CDK5RAP2: variants seen among roughly 807,000 people sequenced by gnomAD.
The protein encoded by CDK5RAP2 is CDK5 regulatory subunit-associated protein 2.
CDK5RAP2 carries 147 observed loss-of-function variants against 232.9 expected under a neutral mutation model. That is an observed-to-expected ratio of 0.63 (90% confidence interval 0.55 to 0.72). The LOEUF is 0.72. Ranked by LOEUF, CDK5RAP2 falls within the 30% of genes least tolerant of loss-of-function variation. The probability of loss-of-function intolerance (pLI) is 0.00; values close to 1 mark genes in which losing one functional copy is unlikely to be tolerated. For missense variants in CDK5RAP2, 2,195 were observed against 2,231.5 expected (o/e 0.98, Z 0.33); for synonymous variants, 833 against 833.7 (o/e 1.00, Z 0.01).
At chr9:120,557,134 A>G (rs1588648858) in intron 3 of CDK5RAP2, among the ~76,000 whole-genome samples, 2 of 152,208 alleles carry the variant, frequency 1.3e-5, no homozygotes, top group African/African-American at 4.8e-5. Flanking sequence ...CGCCTTTAGA[A>G]GGTCACAGCA....
chr9:120,557,243 T>A (rs1432139268), intron 3 of CDK5RAP2, among the ~76,000 whole-genome samples: 1 of 152,150 alleles, frequency 6.6e-6, no homozygotes, highest in Non-Finnish European at 1.5e-5. Flanking sequence ...TCCTCACAGT[T>A]TTCTCTGAAT....
At chr9:120,518,761 T>A (rs747877419) in intron 11 of CDK5RAP2, 116 bp from the exon 12 acceptor site, 59 of 775,658 alleles carry the variant, frequency 7.6e-5, no homozygotes, top group Non-Finnish European at 1.2e-4. Context: ...AAGATTAACA[T>A]AGACAACATT....
At position 120,419,795 on chromosome 9, in the gene CDK5RAP2, A is replaced by G. The variant is rs2034455021; in HGVS notation, c.4170T>C (p.Phe1390=). The part of the protein sequence containing the change: ...TEKTSVMVNS[F]SQDLLMEHIQ... ...TAATGAGGCTTAGCTTACCTTGAGA[A>G]AAACTGTTCACCATAACTGAAGTCT... is the stretch of plus-strand genomic sequence containing the variant. Residue 1390 remains phenylalanine (F), a synonymous_variant, in exon 27 of 38, where the codon TTT becomes TTC. Transcript: ENST00000349780. 1 of 1,613,384 alleles carries G rather than the reference A, an allele frequency of 6.2e-7. No homozygotes were observed.
intron 14 of CDK5RAP2, among the ~76,000 whole-genome samples, chr9:120,486,079 C>A (rs2038585215): frequency 6.6e-6 from 1 of 152,158 alleles, no homozygotes; most frequent in Admixed American, 6.5e-5. Context: ...ACTTCCACAC[C>A]AGTTGGAAAA....
At chr9:120,399,876 T>A (rs2032847293) in intron 35 of CDK5RAP2, among the ~76,000 whole-genome samples, 1 of 152,194 alleles carries the variant, frequency 6.6e-6, no homozygotes, top group Admixed American at 6.5e-5. Flanking sequence ...ACAGGCTCAT[T>A]AGAACCTTCA....
chr9:120,436,526 T>A (rs2150957), intron 25 of CDK5RAP2, among the ~76,000 whole-genome samples: 15,541 of 152,194 alleles, frequency 0.1, 1,734 homozygotes, highest in African/African-American at 0.28. Context: ...AGACAACACC[T>A]TTTCTGATTG....
chr9:120,420,858 A>G (rs541155883), intron 26 of CDK5RAP2, among the ~76,000 whole-genome samples: 3 of 152,238 alleles, frequency 2.0e-5, no homozygotes, highest in Non-Finnish European at 4.4e-5. Flanking sequence ...GGCCAAGGGC[A>G]CCCACTTAAT....
At chr9:120,391,359 A>G (rs973652236) in intron 36 of CDK5RAP2, among the ~76,000 whole-genome samples, 2 of 152,190 alleles carry the variant, frequency 1.3e-5, no homozygotes, top group African/African-American at 4.8e-5. Context: ...ACCGAGGAAC[A>G]CAGCGACAAA....
At chr9:120,426,645 C>T (rs2034921532) in intron 25 of CDK5RAP2, among the ~76,000 whole-genome samples, 1 of 152,118 alleles carries the variant, frequency 6.6e-6, no homozygotes, top group South Asian at 2.1e-4. Context: ...GACTCTCAGC[C>T]AATCTCTTCA....
At chr9:120,458,708 T>C in intron 19 of CDK5RAP2, 86 bp from the exon 20 acceptor site, 1 of 1,253,566 alleles carries the variant, frequency 8.0e-7, no homozygotes, top group Non-Finnish European at 1.2e-6. Flanking sequence ...GCAGGGTAAG[T>C]GAGTAAGTGA....
chr9:120,394,513 T>C lies in CDK5RAP2; in HGVS notation c.5577A>G (p.Gln1859=), dbSNP rs1357289807. 4.3e-6 allele frequency: 7 copies of C among 1,614,046 alleles called. No homozygotes were observed. In the African/African-American group the frequency reaches 5.3e-5, roughly 12 times the overall value. Residue 1859 remains glutamine (Q), a splice_region_variant and synonymous_variant, in exon 36 of 38, where the codon CAA becomes CAG. Coordinates refer to ENST00000349780, the MANE Select transcript of CDK5RAP2 (RefSeq NM_018249.6). ...SKRQEKVIFD[Q]LVVTHKILRK... is the part of the protein sequence containing the mutation. ...GCGGCCACCCCCACACTCACTCACA[T>C]TGATCAAAGATGACTTTTTCCTGGC...
chr9:120,500,939 G>T (rs1408160512), intron 12 of CDK5RAP2, among the ~76,000 whole-genome samples: 2 of 152,090 alleles, frequency 1.3e-5, no homozygotes, highest in African/African-American at 2.4e-5. Context: ...GTAAGGGGGG[G>T]CCTGGGAACT....
intron 3 of CDK5RAP2, among the ~76,000 whole-genome samples, chr9:120,566,601 T>C (rs967312630): frequency 2.0e-5 from 3 of 152,250 alleles, no homozygotes; most frequent in African/African-American, 7.2e-5. Flanking sequence ...GAATGTACTC[T>C]GTGCTTTGCA....
Position 120,507,650 on chromosome 9 carries a change from C to A in CDK5RAP2, c.1311+10777G>T, listed in dbSNP as rs374831124. Among the ~76,000 whole-genome samples, 48 of 151,858 alleles carry A rather than the reference C, an allele frequency of 3.2e-4. 1 individual carries two copies. In the East Asian group the frequency reaches 6.6e-3, roughly 21 times the overall value. On this transcript the variant is annotated intron_variant, in intron 12 of 37. Coordinates refer to ENST00000349780, the MANE Select transcript of CDK5RAP2 (RefSeq NM_018249.6). The stretch of plus-strand genomic sequence containing the variant: ...CACCATCCTAAGGAATCTGCAGAGC[C>A]CCCCGGGTGCATCTGTTTTATTTGC...
Position 120,402,980 on chromosome 9 carries a change from G to A in CDK5RAP2, c.5133C>T (p.Arg1711=). 6.2e-7 allele frequency: 1 copy of A among 1,614,204 alleles called. No homozygotes were observed. Residue 1711 remains arginine, a synonymous_variant, in exon 34 of 38, where the codon CGC becomes CGT. Transcript: ENST00000349780. ...CCCACAGGTGGTGGCCAGTGACCAG[G>A]CGGGACACACACGGAGTGCTAGTTG... The part of the protein sequence containing the change: ...SSATSTPCVS[R]LVTGHHLWAS...
At chr9:120,496,611 C>A (rs1305033003) in intron 12 of CDK5RAP2, among the ~76,000 whole-genome samples, 2 of 147,960 alleles carry the variant, frequency 1.4e-5, no homozygotes, top group Admixed American at 6.7e-5. Flanking sequence ...AGGTGAGGGG[C>A]GCCTCTGCCC....
At position 120,455,370 on chromosome 9, in the gene CDK5RAP2, T is replaced by TAA. The variant is rs77949035; in HGVS notation, c.2376-1499_2376-1498dup. ...AAACGAAGAGTCCTGTACAACACGT[T>TAA]AAAAAAAAAAAAAAAAAAAACGAAG... On this transcript the variant is annotated intron_variant, in intron 20 of 37. Coordinates refer to ENST00000349780, the MANE Select transcript of CDK5RAP2 (RefSeq NM_018249.6). Among the ~76,000 whole-genome samples the TAA allele has an allele frequency of 8.4e-3, 789 of 94,156 alleles. 4 individuals carry two copies. Among genetic ancestry groups the TAA allele is most frequent in the Non-Finnish European group, 0.013 (551 of 43,862 alleles). The allele number at this position is 94,156 out of a possible 152,430, so 61.8% of individuals were successfully genotyped here.
rs117595123 is a variant in CDK5RAP2, at chr9:120,540,253, T to G, written c.384-1089A>C. Among the ~76,000 whole-genome samples the G allele has an allele frequency of 3.7e-3, 567 of 152,286 alleles. 5 individuals are homozygous for G. Among genetic ancestry groups the G allele is most frequent in the Middle Eastern group, 0.02 (6 of 294 alleles). On this transcript the variant is annotated intron_variant, in intron 5 of 37. Transcript: ENST00000349780. ...AGCAGTCCTCGTCAGATTTCTAAAA[T>G]GACTGCAGGTTTCCAGAAGGCAAAA...
At chr9:120,395,561 T>C (rs532328235) in intron 35 of CDK5RAP2, among the ~76,000 whole-genome samples, 1 of 152,346 alleles carries the variant, frequency 6.6e-6, no homozygotes, top group African/African-American at 2.4e-5. Flanking sequence ...GGACACTCCC[T>C]TTCTGTCAGA....
Sources: gnomAD v4.1 joint callset for allele counts (sites outside exome capture counted in the v4.1 genomes callset) on GRCh38, gnomAD v4.1.1 for gene constraint, MANE v1.5 for transcripts, NCBI Gene and HGNC (gene_info 2026-07-23, HGNC 2026-07-21) for gene names.